The following AGBL3 variants were observed in gnomAD, a reference collection of about 807,000 sequenced individuals.
AGBL3 encodes the protein AGBL carboxypeptidase 3, also known as cytosolic carboxypeptidase 3.
A neutral mutation model predicts 94.5 loss-of-function variants in AGBL3; 68 were observed. The observed-to-expected ratio is 0.72, with a 90% CI of 0.59 to 0.88. AGBL3 has a LOEUF of 0.88. Ranked by LOEUF, AGBL3 falls within the 40% of genes least tolerant of loss-of-function variation. The pLI, the probability that AGBL3 is intolerant of heterozygous loss-of-function variation, is 0.00. For synonymous variants in AGBL3, 354 were observed against 370.7 expected (o/e 0.95, Z 0.52); for missense variants, 934 against 1,103.8 (o/e 0.85, Z 2.18).
At chr7:135,133,067 G>GCACACA (rs55861736) in intron 16 of AGBL3, among the ~76,000 whole-genome samples, 28 of 150,432 alleles carry the variant, frequency 1.9e-4, no homozygotes, top group African/African-American at 6.3e-4. Flanking sequence ...ACGCATGCGT[G>GCACACA]CACACACACA....
intron 5 of AGBL3, among the ~76,000 whole-genome samples, chr7:135,029,408 T>C (rs749654326): frequency 2.0e-5 from 3 of 152,366 alleles, no homozygotes; most frequent in Non-Finnish European, 2.9e-5. Context: ...CCTTGTACTT[T>C]CATGTTATTA....
intron 8 of AGBL3, 23 bp downstream of exon 8, chr7:135,037,603 A>C: frequency 6.6e-7 from 1 of 1,507,026 alleles, no homozygotes; most frequent in South Asian, 1.3e-5. Context: ...TAAGGTATTA[A>C]CTTTTCCTTT....
At chr7:135,106,006 T>C (rs1337519768) in intron 15 of AGBL3, among the ~76,000 whole-genome samples, 1 of 152,178 alleles carries the variant, frequency 6.6e-6, no homozygotes, top group Non-Finnish European at 1.5e-5. Flanking sequence ...CTATTATGAA[T>C]GGGATTGTGT....
chr7:135,109,672 G>A (rs1563275394), intron 15 of AGBL3, among the ~76,000 whole-genome samples: 1 of 152,026 alleles, frequency 6.6e-6, no homozygotes, highest in Non-Finnish European at 1.5e-5. Flanking sequence ...CACTAGCAGG[G>A]GTATCTGTAG....
chr7:135,021,761 T>C (rs1462783013), intron 5 of AGBL3, among the ~76,000 whole-genome samples: 1 of 151,874 alleles, frequency 6.6e-6, no homozygotes, highest in Non-Finnish European at 1.5e-5. Flanking sequence ...TATCAACCTG[T>C]CACCTAGGTT....
chr7:135,003,639 T>A (rs1812002404), intron 4 of AGBL3, among the ~76,000 whole-genome samples: 1 of 151,650 alleles, frequency 6.6e-6, no homozygotes. Flanking sequence ...TTCCTTTATC[T>A]CCTTTATTAT....
chr7:135,111,615 A>C (rs1825648663), intron 15 of AGBL3, among the ~76,000 whole-genome samples: 1 of 151,854 alleles, frequency 6.6e-6, no homozygotes, highest in Non-Finnish European at 1.5e-5. Context: ...GCTATTGTGA[A>C]ATAGCTCAAT....
intron 8 of AGBL3, 114 bp from the exon 9 acceptor site, chr7:135,043,911 G>T: frequency 7.5e-7 from 1 of 1,331,614 alleles, no homozygotes; most frequent in South Asian, 1.7e-5. Context: ...AGCTCCTGAA[G>T]CTTTAGTGAG....
chr7:135,125,558 C>T (rs1415683826), intron 16 of AGBL3, among the ~76,000 whole-genome samples: 1 of 152,156 alleles, frequency 6.6e-6, no homozygotes, highest in Non-Finnish European at 1.5e-5. Flanking sequence ...CCACCATCAT[C>T]CTGATACCAA....
intron 15 of AGBL3, among the ~76,000 whole-genome samples, chr7:135,088,354 G>A (rs189034856): frequency 2.0e-4 from 30 of 151,968 alleles, no homozygotes; most frequent in African/African-American, 6.3e-4. Flanking sequence ...TTGTTTTCTG[G>A]TTGTTTTGTA....
intron 16 of AGBL3, among the ~76,000 whole-genome samples, chr7:135,133,823 A>G (rs533509991): frequency 6.6e-6 from 1 of 152,286 alleles, no homozygotes; most frequent in African/African-American, 2.4e-5. Context: ...GAAATAATCT[A>G]TATGTCATTG....
At chr7:135,027,471 C>T (rs1170990119) in intron 5 of AGBL3, among the ~76,000 whole-genome samples, 1 of 151,514 alleles carries the variant, frequency 6.6e-6, no homozygotes, top group African/African-American at 2.4e-5. Context: ...ATTTCTTCTC[C>T]TCTTTATTCC....
intron 15 of AGBL3, among the ~76,000 whole-genome samples, chr7:135,106,408 G>A (rs571715601): frequency 8.5e-5 from 13 of 152,276 alleles, no homozygotes; most frequent in Non-Finnish European, 1.8e-4. Flanking sequence ...AGTTTATTGA[G>A]AGTTTTTAAC....
intron 4 of AGBL3, chr7:135,011,181 G>T (rs1713575909): frequency 6.6e-6 from 1 of 151,996 alleles, no homozygotes; most frequent in Non-Finnish European, 1.5e-5. Context: ...AGTTAAAGAT[G>T]GTCTTTTCAG....
intron 5 of AGBL3, among the ~76,000 whole-genome samples, chr7:135,019,723 G>C (rs1313257321): frequency 6.6e-6 from 1 of 152,124 alleles, no homozygotes; most frequent in Non-Finnish European, 1.5e-5. Context: ...CAGAGATATA[G>C]ACCAATGGAA....
At position 135,033,528 on chromosome 7, in the gene AGBL3, G is replaced by C. The variant is rs148076001; in HGVS notation, c.557+546G>C. ...TTATAGAATAGAAAGTTACTTAGTAGAGAAAAATAGTCACAACTAACCAGA... is the reference window on the plus strand; with the variant it reads ...TTATAGAATAGAAAGTTACTTAGTACAGAAAAATAGTCACAACTAACCAGA... On this transcript the variant is annotated intron_variant, in intron 6 of 16. Transcript: ENST00000436302. Among the ~76,000 whole-genome samples, 1,076 of 152,230 alleles carry C rather than the reference G, an allele frequency of 7.1e-3. 15 individuals carry two copies. The highest frequency in any genetic ancestry group is 0.025 in the African/African-American group (1,026 of 41,522).
Position 135,032,973 on chromosome 7 carries a change from T to G in AGBL3, c.548T>G (p.Val183Gly). The change falls in exon 6 of 17, where the codon GTA becomes GGA. Residue 183 changes from valine (V) to glycine (G), a missense_variant. By Grantham distance (109) the Val-to-Gly change is moderately radical. Coordinates refer to ENST00000436302, the MANE Select transcript of AGBL3 (RefSeq NM_178563.4). ...ARFESGNLQKVVKVAEYEYQL... is the reference protein window; with the variant it reads ...ARFESGNLQKGVKVAEYEYQL... ...TTTGAGAGTGGTAATCTACAGAAGG[T>G]AGTCAAAGTGTAGGTTCTAATTATT... 1 of 1,548,096 alleles carries G rather than the reference T, an allele frequency of 6.5e-7. No homozygotes were observed. Among genetic ancestry groups the G allele is most frequent in the Non-Finnish European group, 8.7e-7 (1 of 1,145,376 alleles).
In AGBL3 at chr7:135,044,061, A is replaced by G; in HGVS notation, c.1537A>G (p.Ser513Gly). The stretch of plus-strand genomic sequence containing the variant: ...AGCTTGCAAGTTTAATGTCCAGAAG[A>G]GCAAAGAAGGAACAGGAAGGGTGGT... The part of the protein sequence containing the change: ...FSACKFNVQK[S>G]KEGTGRVVMW... The change falls in exon 9 of 17, where the codon AGC becomes GGC. Residue 513 changes from serine to glycine, a missense_variant. This residue lies in a region of AGBL3 where 441 missense variants were observed against 518.2 expected (regional missense o/e 0.85). Coordinates refer to ENST00000436302, the MANE Select transcript of AGBL3 (RefSeq NM_178563.4). 6.4e-7 allele frequency: 1 copy of G among 1,550,560 alleles called. No homozygotes were observed. Among genetic ancestry groups the G allele is most frequent in the Non-Finnish European group, 8.7e-7 (1 of 1,146,010 alleles).
chr7:135,018,442 G>A (rs1291144323), intron 5 of AGBL3, among the ~76,000 whole-genome samples: 5 of 152,184 alleles, frequency 3.3e-5, no homozygotes, highest in East Asian at 1.9e-4. Context: ...CTTTGGAAAC[G>A]TATAATGTGG....
Sources: gnomAD v4.1 joint callset for allele counts (sites outside exome capture counted in the v4.1 genomes callset) on GRCh38, gnomAD v4.1.1 for gene constraint, gnomAD v4.1.1 regional missense constraint, MANE v1.5 for transcripts, NCBI Gene and HGNC (gene_info 2026-07-23, HGNC 2026-07-21) for gene names.